The following ACAA1 variants were observed in gnomAD, a reference collection of about 807,000 sequenced individuals.
ACAA1 encodes acetyl-CoA acyltransferase 1, also known as 3-ketoacyl-CoA thiolase, peroxisomal.
A neutral mutation model predicts 48.8 loss-of-function variants in ACAA1; 44 were observed. The observed-to-expected ratio is 0.90, with a 90% CI of 0.71 to 1.16. ACAA1 has a LOEUF of 1.16. ACAA1 is among the 50% of genes most tolerant of loss of function. ACAA1 has a pLI of 0.00. For missense variants in ACAA1, 512 were observed against 562.3 expected (o/e 0.91, Z 0.90); for synonymous variants, 233 against 226.5 (o/e 1.03, Z -0.26).
rs1397474553 is a variant in ACAA1 at position 38,126,387 on chromosome 3, G to A, written c.818-46C>T. Reference sequence around the variant, plus strand: ...TAAGAAGGCATCGGGGTGGGGATGAGGAGATCCCAGCCCTCCCACTTCTAC... The same window carrying A: ...TAAGAAGGCATCGGGGTGGGGATGAAGAGATCCCAGCCCTCCCACTTCTAC... On this transcript the variant is annotated intron_variant, in intron 8 of 11. Transcript: ENST00000333167. This position sits in a 1 kb window ranked among gnomAD's most constrained non-coding sequence, Gnocchi z 4.7. 1.2e-6 allele frequency: 2 copies of A among 1,605,852 alleles called. No homozygotes were observed. The highest frequency in any genetic ancestry group is 1.7e-5 in the Admixed American group (1 of 59,436).
At chr3:38,135,604 C>G (rs183237103) in intron 2 of ACAA1, among the ~76,000 whole-genome samples, 8 of 152,224 alleles carry the variant, frequency 5.3e-5, no homozygotes, top group African/African-American at 1.7e-4. Context: ...ACACAAACAT[C>G]TCAGTGCAGT....
In ACAA1 at chr3:38,134,008, T is replaced by A. The variant is rs763881974; in HGVS notation, c.267A>T (p.Gly89=). ...CCCCGGCCCCAGGCTGCAGCACATT[T>A]CCTGTGGACAACAAACTTTCATTCA... is the stretch of plus-strand genomic sequence containing the variant. ...RPEQLGDICV[G]NVLQPGAGAI... Residue 89 remains glycine (G), a splice_region_variant and synonymous_variant, in exon 3 of 12, where the codon GGA becomes GGT. Coordinates refer to ENST00000333167, the MANE Select transcript of ACAA1 (RefSeq NM_001607.4). 1 of 1,613,234 alleles carries A rather than the reference T, an allele frequency of 6.2e-7. No individual in the cohort carries two copies. Among genetic ancestry groups the A allele is most frequent in the Admixed American group, 1.7e-5 (1 of 59,880 alleles).
intron 6 of ACAA1, among the ~76,000 whole-genome samples, chr3:38,128,115 G>C (rs778789398): frequency 6.6e-6 from 1 of 152,236 alleles, no homozygotes; most frequent in Non-Finnish European, 1.5e-5. Context: ...ATACACCAAA[G>C]AGACTTTCTT....
In ACAA1 at chr3:38,122,995, G is replaced by A; in HGVS notation, c.*52C>T. The stretch of plus-strand genomic sequence containing the variant: ...TTTGCTTTTGTGGTGTTACTGCCTT[G>A]CTGCTAGAGCAGCAGGACTGTCTGC... On this transcript the variant is annotated 3_prime_UTR_variant, in exon 12 of 12. Coordinates refer to ENST00000333167, the MANE Select transcript of ACAA1 (RefSeq NM_001607.4). 5 of 1,587,454 alleles carry A rather than the reference G, an allele frequency of 3.1e-6. No homozygotes were observed. Among genetic ancestry groups the A allele is most frequent in the South Asian group, 1.1e-5 (1 of 90,520 alleles).
chr3:38,131,722 T>G, intron 4 of ACAA1, 84 bp from the exon 5 acceptor site: 1 of 1,459,880 alleles, frequency 6.8e-7, no homozygotes, highest in Non-Finnish European at 9.6e-7. Flanking sequence ...ACCTGGTCTC[T>G]AGATGGGACT....
At chr3:38,125,738 GC>G (rs1282705954) in intron 10 of ACAA1, 28 bp from the exon 11 acceptor site, 2 of 1,613,452 alleles carry the variant, frequency 1.2e-6, no homozygotes, top group Admixed American at 3.3e-5. Flanking sequence ...ATCACCTATA[GC>G]CCTCTTACCC....
chr3:38,125,247 T>G, intron 11 of ACAA1: 1 of 228,790 alleles, frequency 4.4e-6, no homozygotes, highest in Non-Finnish European at 8.4e-6. Flanking sequence ...ATTTTAATCT[T>G]TTGAGATTGT....
chr3:38,134,129 G>T, intron 2 of ACAA1, 120 bp from the exon 3 acceptor site: 1 of 957,752 alleles, frequency 1.0e-6, no homozygotes, highest in South Asian at 1.7e-5. Context: ...CCCTTGGCAG[G>T]CTCACTTGCA....
At position 38,122,935 on chromosome 3, in the gene ACAA1, G is replaced by GCCA; in HGVS notation, c.*109_*111dup. 1 of 1,107,316 alleles carries GCCA rather than the reference G, an allele frequency of 9.0e-7. No homozygotes were observed. Among genetic ancestry groups the GCCA allele is most frequent in the Admixed American group, 1.8e-5 (1 of 55,304 alleles). 68.6% of individuals were successfully genotyped at this position (1,107,316 alleles called of 1,614,324 possible). ...GTTGAAGTGCCTTGATCTGTCCACT[G>GCCA]CCACCACCACCAGTGCTGAGTTTTC... On this transcript the variant is annotated 3_prime_UTR_variant, in exon 12 of 12. Transcript: ENST00000333167.
At position 38,134,574 on chromosome 3, in the gene ACAA1, C is replaced by G. The variant is rs1473146402; in HGVS notation, c.266-565G>C. ...TGATCTGTACAAAGAAAAATTGTTT[C>G]TGCTTTGAGATGCTGTTAATCTGTA... On this transcript the variant is annotated intron_variant, in intron 2 of 11. Coordinates refer to ENST00000333167, the MANE Select transcript of ACAA1 (RefSeq NM_001607.4). 4 of 453,414 alleles carry G rather than the reference C, an allele frequency of 8.8e-6. No homozygotes were observed. In the East Asian group the frequency reaches 2.1e-4, roughly 24 times the overall value. 28.1% of individuals were successfully genotyped at this position (453,414 alleles called of 1,614,324 possible).
intron 11 of ACAA1, chr3:38,125,249 T>A: frequency 4.2e-6 from 1 of 236,334 alleles, no homozygotes; most frequent in Non-Finnish European, 8.1e-6. Flanking sequence ...TTTAATCTTT[T>A]GAGATTGTGA....
rs1372842502 is a variant in ACAA1, at chr3:38,126,473, CCTG to C, written c.817+34_817+36del. The C allele has an allele frequency of 6.2e-7, 1 of 1,614,070 alleles. No individual in the cohort carries two copies. The highest frequency in any genetic ancestry group is 1.7e-5 in the Admixed American group (1 of 60,014). On this transcript the variant is annotated intron_variant, in intron 8 of 11. Transcript: ENST00000333167. This position sits in a 1 kb window ranked among gnomAD's most constrained non-coding sequence, Gnocchi z 4.7. ...AGTACAGCACCCAGCATGGCCATGG[CCTG>C]CTTTCTCATACCCCTACCCCGGACC...
Position 38,129,372 on chromosome 3 carries a change from G to A in ACAA1, c.463C>T (p.Leu155=). 1.9e-6 allele frequency: 3 copies of A among 1,614,086 alleles called. No individual in the cohort carries two copies. Among genetic ancestry groups the A allele is most frequent in the Non-Finnish European group, 2.5e-6 (3 of 1,179,952 alleles). The change falls in exon 6 of 12, where the codon CTG becomes TTG. Residue 155 remains leucine (L), a synonymous_variant. Coordinates refer to ENST00000333167, the MANE Select transcript of ACAA1 (RefSeq NM_001607.4). The surrounding 1 kb of genome is among the most constrained non-coding windows in gnomAD (Gnocchi z 5.3). Reference sequence around the variant, plus strand: ...TTTCCAGGGTTCCCTCTGTCAGCCAGGGACATGGACTCCACCCTGGGGAGG... The same window carrying A: ...TTTCCAGGGTTCCCTCTGTCAGCCAAGGACATGGACTCCACCCTGGGGAGG... ...GMACGVESMS[L]ADRGNPGNIT... is the part of the protein sequence containing the mutation.
At chr3:38,134,108 C>T (rs549123470) in intron 2 of ACAA1, 99 bp from the exon 3 acceptor site, 24 of 1,224,002 alleles carry the variant, frequency 2.0e-5, no homozygotes, top group Non-Finnish European at 2.2e-5. Context: ...GATCTTTCTT[C>T]GGGACACTAG....
At chr3:38,136,828 T>C (rs939067186) in intron 1 of ACAA1, 37 bp downstream of exon 1, 3 of 1,491,708 alleles carry the variant, frequency 2.0e-6, no homozygotes, top group East Asian at 5.1e-5. Context: ...CGCGCCGGCG[T>C]CTTCCCACAC....
In ACAA1 at chr3:38,129,313, G is replaced by A. The variant is rs1410004311; in HGVS notation, c.522C>T (p.Ala174=). The change falls in exon 6 of 12, where the codon GCC becomes GCT. Residue 174 remains alanine (A), a synonymous_variant. Coordinates refer to ENST00000333167, the MANE Select transcript of ACAA1 (RefSeq NM_001607.4). The surrounding 1 kb of genome is among the most constrained non-coding windows in gnomAD (Gnocchi z 5.3). ...ITSRLMEKEK[A]RDCLIPMGIT... ...ACCCCATAGGAATCAGGCAATCTCT[G>A]GCCTTCTCCTTCTCCATCAAGCGCG... is the stretch of plus-strand genomic sequence containing the variant. The A allele has an allele frequency of 6.2e-7, 1 of 1,614,042 alleles. No homozygotes were observed. The highest frequency in any genetic ancestry group is 1.7e-5 in the Admixed American group (1 of 60,010).
At position 38,126,826 on chromosome 3, in the gene ACAA1, G is replaced by T; in HGVS notation, c.627-126C>A. 2 of 1,187,266 alleles carry T rather than the reference G, an allele frequency of 1.7e-6. No individual in the cohort carries two copies. The highest frequency in any genetic ancestry group is 2.4e-6 in the Non-Finnish European group (2 of 841,296). The allele number at this position is 1,187,266 out of a possible 1,614,324, so 73.5% of individuals were successfully genotyped here. On this transcript the variant is annotated intron_variant, in intron 7 of 11. Transcript: ENST00000333167. The surrounding 1 kb of genome is among the most constrained non-coding windows in gnomAD (Gnocchi z 4.7). ...AAATTCAGGGACATGCTCGACTTTG[G>T]GGGAGCTCTGAGGGCATGGCTAAGG...
chr3:38,125,534 T>C lies in ACAA1; in HGVS notation c.1199+31A>G, dbSNP rs372498480. The C allele has an allele frequency of 6.3e-5, 96 of 1,520,170 alleles. No individual in the cohort carries two copies. The African/African-American group carries it at 1.3e-3, about 21-fold the overall frequency. The allele number at this position is 1,520,170 out of a possible 1,614,324, so 94.2% of individuals were successfully genotyped here. On this transcript the variant is annotated intron_variant, in intron 11 of 11. Coordinates refer to ENST00000333167, the MANE Select transcript of ACAA1 (RefSeq NM_001607.4). ...AGGTGCCCTAACTTGGATATCCCCC[T>C]ATGACCCCACCGCCAGGAGCAAAGC...
rs756902547 is a variant in ACAA1 at position 38,126,449 on chromosome 3, G to A, written c.817+61C>T. On this transcript the variant is annotated intron_variant, in intron 8 of 11. Coordinates refer to ENST00000333167, the MANE Select transcript of ACAA1 (RefSeq NM_001607.4). The surrounding 1 kb of genome is among the most constrained non-coding windows in gnomAD (Gnocchi z 4.7). ...GCCTGGTCTATTCCAGGTTCCCAGA[G>A]TACAGCACCCAGCATGGCCATGGCC... 9 of 1,613,072 alleles carry A rather than the reference G, an allele frequency of 5.6e-6. No individual in the cohort carries two copies. The East Asian group carries it at 1.6e-4, about 28-fold the overall frequency.
Sources: gnomAD v4.1 joint callset for allele counts (sites outside exome capture counted in the v4.1 genomes callset) on GRCh38, gnomAD v4.1.1 for gene constraint, Gnocchi (gnomAD v3.1) non-coding constraint, MANE v1.5 for transcripts, NCBI Gene and HGNC (gene_info 2026-07-23, HGNC 2026-07-21) for gene names.